GRIN3A: variants seen among roughly 807,000 people sequenced by gnomAD.
The protein encoded by GRIN3A is glutamate receptor ionotropic, NMDA 3A.
A neutral mutation model predicts 92.4 loss-of-function variants in GRIN3A; 47 were observed. The ratio of observed to expected loss-of-function variants is 0.51; its 90% confidence interval spans 0.40 to 0.65. GRIN3A has a LOEUF of 0.65. Among genes scored for constraint, GRIN3A ranks in the 30% least tolerant of loss-of-function variants. The probability of loss-of-function intolerance (pLI) is 0.00; values close to 1 mark genes in which losing one functional copy is unlikely to be tolerated. For synonymous variants in GRIN3A, 527 were observed against 540.6 expected (o/e 0.97, Z 0.35); for missense variants, 1,324 against 1,393.1 (o/e 0.95, Z 0.79).
intron 1 of GRIN3A, among the ~76,000 whole-genome samples, chr9:101,715,602 A>T (rs1004173701): frequency 6.6e-6 from 1 of 152,222 alleles, no homozygotes; most frequent in African/African-American, 2.4e-5. Flanking sequence ...ATTAGAAAAA[A>T]AATCAGCAAA....
chr9:101,647,593 G>T (rs1250100376), intron 3 of GRIN3A, among the ~76,000 whole-genome samples: 1 of 151,834 alleles, frequency 6.6e-6, no homozygotes, highest in Admixed American at 6.6e-5. Flanking sequence ...TTTAAAGTTT[G>T]GTTGAATTCC....
chr9:101,608,116 A>G (rs147555539), intron 6 of GRIN3A, among the ~76,000 whole-genome samples: 1 of 152,306 alleles, frequency 6.6e-6, no homozygotes, highest in Admixed American at 6.5e-5. Flanking sequence ...AGGATACACC[A>G]TACAGCCGAC....
intron 3 of GRIN3A, among the ~76,000 whole-genome samples, chr9:101,659,280 C>A (rs1440183176): frequency 6.6e-6 from 1 of 151,248 alleles, no homozygotes; most frequent in East Asian, 2.0e-4. Flanking sequence ...TTTATAATTA[C>A]CCAAGATATA....
chr9:101,674,606 T>A (rs934685126), intron 2 of GRIN3A, among the ~76,000 whole-genome samples: 2 of 152,084 alleles, frequency 1.3e-5, no homozygotes, highest in Admixed American at 6.6e-5. Flanking sequence ...ATAAACTCAA[T>A]GTAAGCCCAT....
intron 6 of GRIN3A, among the ~76,000 whole-genome samples, chr9:101,596,975 C>G (rs989052203): frequency 1.3e-5 from 2 of 152,176 alleles, no homozygotes; most frequent in South Asian, 4.1e-4. Flanking sequence ...CCTTATGAGA[C>G]TGCGTGGGCC....
At chr9:101,595,763 G>C (rs1412867195) in intron 6 of GRIN3A, among the ~76,000 whole-genome samples, 1 of 152,130 alleles carries the variant, frequency 6.6e-6, no homozygotes, top group East Asian at 1.9e-4. Context: ...CTGTTACTCT[G>C]TTCCCTCTTA....
intron 3 of GRIN3A, among the ~76,000 whole-genome samples, chr9:101,638,991 C>G (rs1367269950): frequency 6.6e-6 from 1 of 152,136 alleles, no homozygotes; most frequent in Admixed American, 6.5e-5. Flanking sequence ...TGCGCTTGGC[C>G]CTCCACATTC....
At chr9:101,585,169 A>G (rs1383021396) in intron 6 of GRIN3A, among the ~76,000 whole-genome samples, 1 of 152,212 alleles carries the variant, frequency 6.6e-6, no homozygotes, top group Non-Finnish European at 1.5e-5. Flanking sequence ...TCTAACGGTC[A>G]GTTTTCACCT....
chr9:101,737,179 C>A, intron 1 of GRIN3A, 102 bp downstream of exon 1: 2 of 915,028 alleles, frequency 2.2e-6, no homozygotes, highest in Non-Finnish European at 3.6e-6. Flanking sequence ...TATAAAGTAA[C>A]AACTCCCCTC....
At chr9:101,698,546 A>G (rs1190781088) in intron 1 of GRIN3A, among the ~76,000 whole-genome samples, 1 of 152,186 alleles carries the variant, frequency 6.6e-6, no homozygotes, top group Non-Finnish European at 1.5e-5. Flanking sequence ...TACATAGTAT[A>G]ACCTATTACT....
intron 2 of GRIN3A, among the ~76,000 whole-genome samples, chr9:101,672,732 T>G (rs1008813143): frequency 5.3e-5 from 8 of 152,192 alleles, no homozygotes. Flanking sequence ...TATCAATCAA[T>G]GCAGTGAAAC....
Position 101,686,902 on chromosome 9 carries a change from T to C in GRIN3A, c.998A>G (p.Glu333Gly). The C allele has an allele frequency of 6.2e-7, 1 of 1,614,238 alleles. No individual in the cohort carries two copies. Among genetic ancestry groups the C allele is most frequent in the South Asian group, 1.1e-5 (1 of 91,088 alleles). ...AATTTCGAAAATCCGCCGGATACTT[T>C]CCATGTCGCAGCCAAACATCACCAC... ...PTVVMFGCDM[E>G]SIRRIFEITT... Residue 333 changes from glutamate to glycine, a missense_variant, in exon 2 of 9, where the codon GAA becomes GGA. Physicochemically the swap from Glu to Gly is moderately conservative, Grantham distance 98. Transcript: ENST00000361820.
At chr9:101,613,643 C>T in intron 5 of GRIN3A, 116 bp from the exon 6 acceptor site, 1 of 935,358 alleles carries the variant, frequency 1.1e-6, no homozygotes. Context: ...GATGAGTTTT[C>T]ATCAACTTTC....
Position 101,738,027 on chromosome 9 carries a change from G to T in GRIN3A, c.-48C>A, listed in dbSNP as rs772212856. ...GCGCGCCCCCTCCTGCGCCCGGCTC[G>T]CCCCTCTGCAGCCGCTGCCTGAGGT... On this transcript the variant is annotated 5_prime_UTR_variant, in exon 1 of 9. Coordinates refer to ENST00000361820, the MANE Select transcript of GRIN3A (RefSeq NM_133445.3). The T allele has an allele frequency of 1.4e-6, 2 of 1,479,592 alleles. No homozygotes were observed. The highest frequency in any genetic ancestry group is 9.1e-7 in the Non-Finnish European group (1 of 1,097,806). 91.7% of individuals were successfully genotyped at this position (1,479,592 alleles called of 1,614,324 possible). A position where few individuals can be genotyped will look rare whatever the true frequency, so the allele number is the denominator to read the frequency against.
chr9:101,683,337 C>T (rs1219751694), intron 2 of GRIN3A, among the ~76,000 whole-genome samples: 1 of 152,162 alleles, frequency 6.6e-6, no homozygotes, highest in Non-Finnish European at 1.5e-5. Context: ...TCATTATCCT[C>T]CCGACTTTCA....
At chr9:101,635,220 G>C (rs898080733) in intron 3 of GRIN3A, among the ~76,000 whole-genome samples, 4 of 152,142 alleles carry the variant, frequency 2.6e-5, no homozygotes, top group African/African-American at 9.7e-5. Flanking sequence ...GACAACTTGA[G>C]TCATTGCATC....
intron 1 of GRIN3A, among the ~76,000 whole-genome samples, chr9:101,713,071 A>G (rs573093244): frequency 3.5e-4 from 54 of 152,288 alleles, no homozygotes; most frequent in African/African-American, 1.3e-3. Flanking sequence ...ATTCCTTTAA[A>G]GACTTCCATC....
intron 2 of GRIN3A, among the ~76,000 whole-genome samples, chr9:101,677,723 A>G (rs976767943): frequency 1.4e-4 from 21 of 152,036 alleles, no homozygotes; most frequent in Admixed American, 1.2e-3. Flanking sequence ...CTTTTATGAT[A>G]ACATGAATTT....
intron 1 of GRIN3A, among the ~76,000 whole-genome samples, chr9:101,697,975 C>T (rs1448131209): frequency 1.3e-5 from 2 of 152,142 alleles, no homozygotes; most frequent in Non-Finnish European, 2.9e-5. Context: ...CACTCCAACA[C>T]CTCTCTGTAA....
Sources: gnomAD v4.1 joint callset for allele counts (sites outside exome capture counted in the v4.1 genomes callset) on GRCh38, gnomAD v4.1.1 for gene constraint, MANE v1.5 for transcripts, NCBI Gene and HGNC (gene_info 2026-07-23, HGNC 2026-07-21) for gene names.